The following GPC6 variants were observed in gnomAD, a reference collection of about 807,000 sequenced individuals.
The protein encoded by GPC6 is glypican-6.
GPC6 carries 14 observed loss-of-function variants against 55.2 expected under a neutral mutation model. That is an observed-to-expected ratio of 0.25 (90% CI 0.17 to 0.40). The LOEUF (loss-of-function observed/expected upper bound fraction) is 0.40. GPC6 is among the 10% of genes least tolerant of loss of function. The pLI is 1.00. For synonymous variants in GPC6, 278 were observed against 259.6 expected, an observed-to-expected ratio of 1.07 and a Z score of -0.68; for missense variants, 641 against 708.5, an observed-to-expected ratio of 0.90 and a Z score of 1.08.
chr13:93,861,650 G>A (rs541308642), intron 3 of GPC6, among the ~76,000 whole-genome samples: 13 of 151,604 alleles, frequency 8.6e-5, no homozygotes, highest in South Asian at 6.3e-4. Context: ...TTTACTCTGC[G>A]CTGTCTTTTG....
chr13:94,205,224 A>T (rs1413090873), intron 4 of GPC6, among the ~76,000 whole-genome samples: 1 of 152,162 alleles, frequency 6.6e-6, no homozygotes, highest in Non-Finnish European at 1.5e-5. Context: ...GTCACTGCTA[A>T]TCAGATTCCA....
At chr13:93,619,296 G>T (rs1878854819) in intron 2 of GPC6, among the ~76,000 whole-genome samples, 1 of 152,078 alleles carries the variant, frequency 6.6e-6, no homozygotes, top group Non-Finnish European at 1.5e-5. Flanking sequence ...GAATAAGTCA[G>T]TCTACTTTAT....
At chr13:93,222,560 C>T (rs1875651888), upstream of GPC6, among the ~76,000 whole-genome samples, 2 of 152,162 alleles carry the variant, frequency 1.3e-5, no homozygotes. Context: ...GCTTCCTTAT[C>T]ATTGTCCAAG....
chr13:93,239,653 G>A (rs1422659216), intron 1 of GPC6, among the ~76,000 whole-genome samples: 1 of 150,370 alleles, frequency 6.7e-6, no homozygotes, highest in African/African-American at 2.4e-5. Flanking sequence ...TCTGATATTT[G>A]TTATTTCTTT....
intron 3 of GPC6, among the ~76,000 whole-genome samples, chr13:93,906,762 C>T (rs1044787784): frequency 2.6e-5 from 4 of 152,252 alleles, no homozygotes; most frequent in Non-Finnish European, 4.4e-5. Flanking sequence ...GCATTCTCAG[C>T]TTAATAGCTC....
chr13:93,344,800 T>C (rs1032244612), intron 1 of GPC6, among the ~76,000 whole-genome samples: 1 of 152,194 alleles, frequency 6.6e-6, no homozygotes, highest in African/African-American at 2.4e-5. Flanking sequence ...TTGCTAATAA[T>C]TGTCATCTTT....
At chr13:93,589,413 T>C (rs758273292) in intron 2 of GPC6, among the ~76,000 whole-genome samples, 6 of 152,206 alleles carry the variant, frequency 3.9e-5, no homozygotes, top group Non-Finnish European at 7.3e-5. Flanking sequence ...CCATTAACTC[T>C]TCCCATTAAT....
chr13:93,362,888 C>A (rs1046082553), intron 1 of GPC6, among the ~76,000 whole-genome samples: 1 of 152,070 alleles, frequency 6.6e-6, no homozygotes, highest in Admixed American at 6.6e-5. Flanking sequence ...TTAGCAAGTA[C>A]AAATGTGAGT....
At chr13:93,802,500 C>T (rs1029441416) in intron 2 of GPC6, among the ~76,000 whole-genome samples, 7 of 151,918 alleles carry the variant, frequency 4.6e-5, no homozygotes, top group Non-Finnish European at 8.8e-5. Flanking sequence ...TGAGCTGAAG[C>T]CATTCTTCCA....
At chr13:93,351,678 T>A (rs184159213) in intron 1 of GPC6, among the ~76,000 whole-genome samples, 2 of 152,142 alleles carry the variant, frequency 1.3e-5, no homozygotes, top group African/African-American at 2.4e-5. Flanking sequence ...ATTATATGTA[T>A]GGAAATGGCA....
At chr13:94,031,180 C>T (rs1883123831) in intron 4 of GPC6, among the ~76,000 whole-genome samples, 1 of 151,956 alleles carries the variant, frequency 6.6e-6, no homozygotes. Context: ...AAGTCCTCCT[C>T]CAGGAAGTTT....
At chr13:94,167,517 T>C (rs539690793) in intron 4 of GPC6, among the ~76,000 whole-genome samples, 1 of 152,280 alleles carries the variant, frequency 6.6e-6, no homozygotes, top group South Asian at 2.1e-4. Flanking sequence ...TTAAACAATG[T>C]CTTCATTTTT....
At chr13:93,398,028 T>C (rs2762113) in intron 1 of GPC6, among the ~76,000 whole-genome samples, 144,357 of 152,198 alleles carry the variant, frequency 0.95, 68,933 homozygotes, top group East Asian at 1. Flanking sequence ...TCTGGGTTCC[T>C]TTCTGGTTTG....
At chr13:94,241,204 CAGA>C (rs1305908948) in intron 4 of GPC6, among the ~76,000 whole-genome samples, 1 of 152,174 alleles carries the variant, frequency 6.6e-6, no homozygotes, top group African/African-American at 2.4e-5. Context: ...CCTCAGCAGA[CAGA>C]AGATCTGCCA....
intron 3 of GPC6, among the ~76,000 whole-genome samples, chr13:93,987,233 A>C (rs538829628): frequency 1.3e-5 from 2 of 152,328 alleles, no homozygotes; most frequent in African/African-American, 4.8e-5. Flanking sequence ...AACTCGTTGG[A>C]CCAGAACATT....
chr13:94,250,048 C>T (rs1891303639), intron 4 of GPC6, among the ~76,000 whole-genome samples: 1 of 152,094 alleles, frequency 6.6e-6, no homozygotes, highest in Non-Finnish European at 1.5e-5. Flanking sequence ...CAACATAGAT[C>T]AATAAGTCGA....
At position 94,345,420 on chromosome 13, in the gene GPC6, A is replaced by T. The variant is rs1251606649; in HGVS notation, c.1153-36994A>T. Among the ~76,000 whole-genome samples, 6 of 152,356 alleles carry T rather than the reference A, an allele frequency of 3.9e-5. No homozygotes were observed. The South Asian group carries it at 8.3e-4, about 21-fold the overall frequency. On this transcript the variant is annotated intron_variant, in intron 6 of 8. Transcript: ENST00000377047. ...TTTAAATAGCAAGCTCCCTCTGAGT[A>T]CTTAAAATATGATTCAATTTACCAA...
chr13:93,391,863 A>G (rs544024779), intron 1 of GPC6, among the ~76,000 whole-genome samples: 3 of 152,132 alleles, frequency 2.0e-5, no homozygotes, highest in African/African-American at 7.2e-5. Context: ...CTTTTTTCCT[A>G]TAGATGGACC....
intron 1 of GPC6, among the ~76,000 whole-genome samples, chr13:93,275,686 A>G (rs550983010): frequency 1.3e-3 from 195 of 152,194 alleles, no homozygotes; most frequent in Non-Finnish European, 2.4e-3. Context: ...GTGTCTGTGT[A>G]TCCAAACTTC....
Sources: allele counts gnomAD v4.1 joint callset (sites outside exome capture counted in the v4.1 genomes callset), GRCh38; gene constraint gnomAD v4.1.1; transcripts MANE v1.5; gene names NCBI Gene and HGNC (gene_info 2026-07-23, HGNC 2026-07-21).